The following ZNF687 variants were observed in gnomAD, a reference collection of about 807,000 sequenced individuals.
The protein encoded by ZNF687 is zinc finger protein 687.
Under a neutral mutation model 71.8 loss-of-function variants are expected in ZNF687, and 13 were observed. The ratio of observed to expected loss-of-function variants is 0.18; its 90% CI spans 0.12 to 0.29. The LOEUF is 0.29. Among genes scored for constraint, ZNF687 ranks in the 10% least tolerant of loss-of-function variants. The pLI, the probability that ZNF687 is intolerant of heterozygous loss-of-function variation, is 1.00. For missense variants in ZNF687, 1,412 were observed against 1,625.6 expected, an observed-to-expected ratio of 0.87 and a Z score of 2.26; for synonymous variants, 673 against 641.6, an observed-to-expected ratio of 1.05 and a Z score of -0.74.
At chr1:151,283,172 C>T in intron 1 of ZNF687, 7 of 985,474 alleles carry the variant, frequency 7.1e-6, no homozygotes, top group Non-Finnish European at 8.4e-6. Flanking sequence ...CACCCCGCCC[C>T]CTCCTCGAAA....
chr1:151,286,357 T>A lies in ZNF687; in HGVS notation c.66T>A (p.Asp22Glu). 6.2e-7 allele frequency: 1 copy of A among 1,602,788 alleles called. No homozygotes were observed. The highest frequency in any genetic ancestry group is 8.5e-7 in the Non-Finnish European group (1 of 1,176,840). ...LLAAFDIPDIDANEAIHSGPE... is the reference protein window; with the variant it reads ...LLAAFDIPDIEANEAIHSGPE... ...CTGCCTTTGACATCCCTGACATTGATGCGAATGAAGCCATCCATTCTGGGC... is the reference window on the plus strand; with the variant it reads ...CTGCCTTTGACATCCCTGACATTGAAGCGAATGAAGCCATCCATTCTGGGC... Residue 22 changes from aspartate to glutamate, a missense_variant, in exon 2 of 9, where the codon GAT becomes GAA. Asp to Glu is a conservative substitution (Grantham distance 45). This residue lies in a region of ZNF687 where 490 missense variants were observed against 489.9 expected (regional missense o/e 1.00). Transcript: ENST00000336715.
intron 1 of ZNF687, 107 bp from the exon 2 acceptor site, chr1:151,286,168 T>G: frequency 1.1e-6 from 1 of 898,748 alleles, no homozygotes; most frequent in Non-Finnish European, 1.7e-6. Context: ...TAAGTTGGAG[T>G]GTATGTGGGT....
rs587705420 is a variant in ZNF687, at chr1:151,282,317, C to A, written c.-96C>A. On this transcript the variant is annotated 5_prime_UTR_variant, in exon 1 of 9. Transcript: ENST00000336715. ...GAGAAGCAGGAAGTAGCGGCGGCCG[C>A]GGGGAGGGCGGCGGTGGCTGCAGCG... 1.4e-5 allele frequency: 14 copies of A among 999,334 alleles called. No individual in the cohort carries two copies. The African/African-American group carries it at 2.4e-4, about 17-fold the overall frequency. The allele number at this position is 999,334 out of a possible 1,614,324, so 61.9% of individuals were successfully genotyped here.
At position 151,288,127 on chromosome 1, in the gene ZNF687, C is replaced by T. The variant is rs372883579; in HGVS notation, c.1836C>T (p.Asp612=). ...TTGACCAGATGGTGGGGCAGCCGGA[C>T]ATCACACCGCTGCTGCCTGTAGCTG... ...VALDQMVGQP[D]ITPLLPVAVP... The change falls in exon 2 of 9, where the codon GAC becomes GAT. Residue 612 remains aspartate (D), a synonymous_variant. Transcript: ENST00000336715. 7.3e-5 allele frequency: 118 copies of T among 1,613,906 alleles called. 1 individual carries two copies. The South Asian group carries it at 1.2e-3, about 16-fold the overall frequency.
In ZNF687 at chr1:151,286,926, C is replaced by G; in HGVS notation, c.635C>G (p.Pro212Arg). Residue 212 changes from proline to arginine, a missense_variant, in exon 2 of 9, where the codon CCT becomes CGT. Transcript: ENST00000336715. ...GAGAATGGCCCAGGCATGCAGCCAC[C>G]TGTTTCTTCCCCACCATTGGGGGCC... is the stretch of plus-strand genomic sequence containing the variant. ...AQENGPGMQPPVSSPPLGALK... is the reference protein window; with the variant it reads ...AQENGPGMQPRVSSPPLGALK... 11 of 1,612,792 alleles carry G rather than the reference C, an allele frequency of 6.8e-6. No individual in the cohort carries two copies. The highest frequency in any genetic ancestry group is 6.8e-6 in the Non-Finnish European group (8 of 1,179,196).
intron 1 of ZNF687, chr1:151,283,881 G>A: frequency 1.0e-6 from 1 of 985,404 alleles, no homozygotes; most frequent in Non-Finnish European, 1.2e-6. Flanking sequence ...CTGGAGAGAG[G>A]TGGGAGAGCT....
chr1:151,281,564 A>G (rs587716463), upstream of ZNF687: 4 of 470,916 alleles, frequency 8.5e-6, no homozygotes, highest in Non-Finnish European at 1.8e-5. Flanking sequence ...GATTCCTTCC[A>G]TGCTCCAAAT....
upstream of ZNF687, chr1:151,282,020 C>T: frequency 7.9e-7 from 1 of 1,258,160 alleles, no homozygotes; most frequent in Non-Finnish European, 1.0e-6. Flanking sequence ...TGGCGGAGGC[C>T]AATCGTTTAC....
rs749667344 is a variant in ZNF687, at chr1:151,283,086, G to T, written c.-18+691G>T. 1.4e-4 allele frequency: 141 copies of T among 985,284 alleles called. 1 individual carries two copies. The highest frequency in any genetic ancestry group is 1.6e-4 in the Non-Finnish European group (135 of 829,884). The allele number at this position is 985,284 out of a possible 1,614,324, so 61.0% of individuals were successfully genotyped here. On this transcript the variant is annotated intron_variant, in intron 1 of 8. Coordinates refer to ENST00000336715, the MANE Select transcript of ZNF687 (RefSeq NM_020832.3). ...AAAGGGCCTGGCCTGGCTGAGGCCCGGCCTTCGCTTCGCACGCCGGTGCGA... is the reference window on the plus strand; with the variant it reads ...AAAGGGCCTGGCCTGGCTGAGGCCCTGCCTTCGCTTCGCACGCCGGTGCGA...
At position 151,290,070 on chromosome 1, in the gene ZNF687, G is replaced by A. The variant is rs1472960244; in HGVS notation, c.2965-52G>A. On this transcript the variant is annotated intron_variant, in intron 6 of 8. Coordinates refer to ENST00000336715, the MANE Select transcript of ZNF687 (RefSeq NM_020832.3). ...CAGCATTGGGACTGCCAGTGTGACA[G>A]TGGGGACGGGGTCCTGGAGCCTGGC... 14 of 1,611,030 alleles carry A rather than the reference G, an allele frequency of 8.7e-6. No individual in the cohort carries two copies. The East Asian group carries it at 2.9e-4, about 33-fold the overall frequency.
chr1:151,289,735 C>G lies in ZNF687; in HGVS notation c.2692C>G (p.Leu898Val). 6.4e-7 allele frequency: 1 copy of G among 1,559,370 alleles called. No homozygotes were observed. The highest frequency in any genetic ancestry group is 1.2e-5 in the South Asian group (1 of 85,294). The change falls in exon 6 of 9, where the codon CTG (leucine) becomes GTG (valine). Residue 898 changes from leucine (L) to valine (V), a missense_variant. Physicochemically the swap from Leu to Val is conservative, Grantham distance 32. Coordinates refer to ENST00000336715, the MANE Select transcript of ZNF687 (RefSeq NM_020832.3). ...ETAGKGAGGA[L>V]LTPKTEPEEL... ...TGCTGGGAAAGGGGCCGGGGGTGCC[C>G]TGCTGACCCCCAAGACTGAGCCTGA...
chr1:151,284,182 GTGAGGAGCT>G (rs1425311129), intron 1 of ZNF687: 10 of 985,456 alleles, frequency 1.0e-5, no homozygotes, highest in Non-Finnish European at 9.6e-6. Context: ...ATGGAATGGG[GTGAGGAGCT>G]TGGAGCAGAA....
At position 151,286,460 on chromosome 1, in the gene ZNF687, G is replaced by T; in HGVS notation, c.169G>T (p.Ala57Ser). The change falls in exon 2 of 9, where the codon GCC becomes TCC. Residue 57 changes from alanine (A) to serine (S), a missense_variant. Physicochemically the swap from Ala to Ser is moderately conservative, Grantham distance 99 (BLOSUM62 1). Coordinates refer to ENST00000336715, the MANE Select transcript of ZNF687 (RefSeq NM_020832.3). ...AAGTGAATCTGAAGACACAGCAGCAGCCTCTGCTGGGGATGGCCCTGGAGT... is the reference window on the plus strand; with the variant it reads ...AAGTGAATCTGAAGACACAGCAGCATCCTCTGCTGGGGATGGCCCTGGAGT... ...VGSESEDTAAASAGDGPGVPA... is the reference protein window; with the variant it reads ...VGSESEDTAASSAGDGPGVPA... 1 of 1,613,948 alleles carries T rather than the reference G, an allele frequency of 6.2e-7. No individual in the cohort carries two copies. The highest frequency in any genetic ancestry group is 8.5e-7 in the Non-Finnish European group (1 of 1,179,864).
chr1:151,288,847 C>T (rs77736728), intron 3 of ZNF687, 141 bp downstream of exon 3: 43 of 1,139,594 alleles, frequency 3.8e-5, no homozygotes, highest in East Asian at 7.3e-5. Context: ...TGAGATAGTA[C>T]GTCCTGCCTT....
Position 151,289,047 on chromosome 1 carries a change from A to G in ZNF687, c.2295-48A>G, listed in dbSNP as rs771119913. The G allele has an allele frequency of 5.0e-6, 8 of 1,585,686 alleles. No individual in the cohort carries two copies. The South Asian group carries it at 6.7e-5, about 13-fold the overall frequency. On this transcript the variant is annotated intron_variant, in intron 3 of 8. Transcript: ENST00000336715. Reference sequence around the variant, plus strand: ...ATAAATGTATGGTCCCGGGGTGGGCATGGAGATGCCTCCCACCTCACCACA... The same window carrying G: ...ATAAATGTATGGTCCCGGGGTGGGCGTGGAGATGCCTCCCACCTCACCACA...
At chr1:151,284,253 G>A in intron 1 of ZNF687, 1 of 985,334 alleles carries the variant, frequency 1.0e-6, no homozygotes, top group Non-Finnish European at 1.2e-6. Flanking sequence ...TGGCAGCTGT[G>A]CTGGAGAAAT....
intron 1 of ZNF687, chr1:151,283,211 C>A: frequency 7.1e-6 from 7 of 985,450 alleles, no homozygotes; most frequent in Non-Finnish European, 8.4e-6. Flanking sequence ...CGCCAGCCCT[C>A]GGCAGATGGC....
At position 151,290,906 on chromosome 1, in the gene ZNF687, C is replaced by T; in HGVS notation, c.3411C>T (p.Cys1137=). ...GGGTGGAGGATGGTGCCCAGCAGTG[C>T]CTCGACTGTGGCTTGTGCTTTGCCT... ...GLRVEDGAQQ[C]LDCGLCFASP... The change falls in exon 9 of 9, where the codon TGC becomes TGT. Residue 1137 remains cysteine, a synonymous_variant. Transcript: ENST00000336715. The T allele has an allele frequency of 1.2e-6, 2 of 1,614,044 alleles. No homozygotes were observed. Among genetic ancestry groups the T allele is most frequent in the Non-Finnish European group, 1.7e-6 (2 of 1,180,024 alleles).
chr1:151,288,232 A>G lies in ZNF687; in HGVS notation c.1941A>G (p.Thr647=). The change falls in exon 2 of 9, where the codon ACA becomes ACG. Residue 647 remains threonine (T), a synonymous_variant. Coordinates refer to ENST00000336715, the MANE Select transcript of ZNF687 (RefSeq NM_020832.3). ...EGAITSSAIT[T]VAAEAPVLPL... is the part of the protein sequence containing the mutation. Reference sequence around the variant, plus strand: ...CCATCACCTCCTCTGCCATTACTACAGTTGCTGCTGAGGCCCCTGTCCTGC... The same window carrying G: ...CCATCACCTCCTCTGCCATTACTACGGTTGCTGCTGAGGCCCCTGTCCTGC... 1 of 1,613,564 alleles carries G rather than the reference A, an allele frequency of 6.2e-7. No homozygotes were observed.
Sources: gnomAD v4.1 joint callset for allele counts on GRCh38, gnomAD v4.1.1 for gene constraint, gnomAD v4.1.1 regional missense constraint, MANE v1.5 for transcripts, NCBI Gene and HGNC (gene_info 2026-07-23, HGNC 2026-07-21) for gene names.